SMARCA2: variants seen among roughly 807,000 people sequenced by gnomAD.
SMARCA2 encodes the protein SWI/SNF related BAF chromatin remodeling complex subunit ATPase 2.
In SMARCA2, 61 loss-of-function variants were observed where a neutral mutation model predicts 199.8. That is an observed-to-expected ratio of 0.31 (90% CI 0.25 to 0.38). SMARCA2 has a LOEUF of 0.38. Among genes scored for constraint, SMARCA2 ranks in the 10% least tolerant of loss-of-function variants. SMARCA2 has a pLI of 1.00. For missense variants in SMARCA2, 1,344 were observed against 2,012.2 expected (o/e 0.67, Z 6.35); for synonymous variants, 935 against 732.0 (o/e 1.28, Z -4.48).
At chr9:2,105,276 C>T (rs1822701377) in intron 23 of SMARCA2, among the ~76,000 whole-genome samples, 1 of 151,666 alleles carries the variant, frequency 6.6e-6, no homozygotes, top group South Asian at 2.1e-4. Flanking sequence ...GACAGAGTCT[C>T]ACTCTGTCAC....
intron 9 of SMARCA2, among the ~76,000 whole-genome samples, chr9:2,063,649 AT>A (rs1464501168): frequency 1.3e-5 from 2 of 152,218 alleles, no homozygotes; most frequent in African/African-American, 4.8e-5. Flanking sequence ...ACTCTAAGAA[AT>A]GTGCTATTAA....
At chr9:2,032,753 C>G (rs1586627436) in intron 2 of SMARCA2, 199 bp from the exon 3 acceptor site, 4 of 434,890 alleles carry the variant, frequency 9.2e-6, no homozygotes, top group East Asian at 3.8e-5. Context: ...AAAAAACAAC[C>G]CTCCACTGTT....
At chr9:2,186,903 A>G (rs7038608) in intron 32 of SMARCA2, among the ~76,000 whole-genome samples, 15,277 of 152,214 alleles carry the variant, frequency 0.1, 836 homozygotes, top group East Asian at 0.16. Context: ...AATGCCACCT[A>G]TCTTCTCTTC....
At chr9:2,031,848 C>T (rs1287269239) in intron 2 of SMARCA2, among the ~76,000 whole-genome samples, 1 of 152,142 alleles carries the variant, frequency 6.6e-6, no homozygotes, top group Non-Finnish European at 1.5e-5. Context: ...TATTTCTTCT[C>T]TTATTCTTCC....
intron 25 of SMARCA2, among the ~76,000 whole-genome samples, chr9:2,117,694 G>C (rs1441379521): frequency 6.6e-6 from 1 of 152,204 alleles, no homozygotes; most frequent in Non-Finnish European, 1.5e-5. Flanking sequence ...CTAAGCCGCA[G>C]GGAGTTGCTG....
In SMARCA2 at chr9:2,180,094, G is replaced by T. The variant is rs1261821284; in HGVS notation, c.4254-1477G>T. The stretch of plus-strand genomic sequence containing the variant: ...ACGCATTTCTCGAAGAGATGTGAGG[G>T]GTAGGGGTGGTTGAGAGGGTGAGAG... On this transcript the variant is annotated intron_variant, in intron 29 of 33. Transcript: ENST00000349721. Among the ~76,000 whole-genome samples, 4 of 152,262 alleles carry T rather than the reference G, an allele frequency of 2.6e-5. No homozygotes were observed. The East Asian group carries it at 7.7e-4, about 29-fold the overall frequency.
At chr9:2,047,513 C>A in intron 5 of SMARCA2, 29 bp downstream of exon 5, 1 of 1,359,758 alleles carries the variant, frequency 7.4e-7, no homozygotes, top group Non-Finnish European at 9.6e-7. Context: ...AAGGGGCCCC[C>A]TGCGGTGTGC....
In SMARCA2 at chr9:2,056,617, T is replaced by G; in HGVS notation, c.1174-55T>G. The G allele has an allele frequency of 6.5e-7, 1 of 1,543,680 alleles. No homozygotes were observed. Among genetic ancestry groups the G allele is most frequent in the African/African-American group, 1.4e-5 (1 of 72,436 alleles). ...AAATGCAACCGCGAGAAGGCCAGAG[T>G]TCAGGAACCTAGCTTCTGTTAGGGA... On this transcript the variant is annotated intron_variant, in intron 6 of 33. Transcript: ENST00000349721. The surrounding 1 kb of genome is among the most constrained non-coding windows in gnomAD (Gnocchi z 4.0).
intron 27 of SMARCA2, among the ~76,000 whole-genome samples, chr9:2,151,058 G>C (rs1825041741): frequency 2.0e-5 from 3 of 151,512 alleles, no homozygotes; most frequent in Admixed American, 2.0e-4. Context: ...CTATAGTATA[G>C]CAATTCCGAG....
At chr9:2,041,094 G>A (rs1486287340) in intron 4 of SMARCA2, 1 of 337,402 alleles carries the variant, frequency 3.0e-6, no homozygotes, top group East Asian at 4.3e-5. Context: ...CCTGGGTTTT[G>A]GGCCTTATAC....
At chr9:2,142,022 G>A (rs1240322819) in intron 27 of SMARCA2, among the ~76,000 whole-genome samples, 1 of 152,068 alleles carries the variant, frequency 6.6e-6, no homozygotes, top group Non-Finnish European at 1.5e-5. Flanking sequence ...CCTACAGTAG[G>A]GGCCCCTTAG....
chr9:2,187,482 G>GATAACATAGCAAGACC (rs1484131188), intron 32 of SMARCA2, among the ~76,000 whole-genome samples: 7 of 152,066 alleles, frequency 4.6e-5, no homozygotes, highest in Non-Finnish European at 8.8e-5. Flanking sequence ...GACCAGCCTG[G>GATAACATAGCAAGACC]ATAACATAGC....
chr9:2,187,287 C>T (rs1037588378), intron 32 of SMARCA2, among the ~76,000 whole-genome samples: 1 of 151,876 alleles, frequency 6.6e-6, no homozygotes, highest in Admixed American at 6.6e-5. Context: ...AATTTTACAC[C>T]CAAGGTGCGT....
chr9:2,156,893 T>A (rs1825394315), intron 27 of SMARCA2, among the ~76,000 whole-genome samples: 1 of 152,228 alleles, frequency 6.6e-6, no homozygotes, highest in African/African-American at 2.4e-5. Context: ...CAGCCGCTGG[T>A]AACCACTGTT....
intron 5 of SMARCA2, among the ~76,000 whole-genome samples, chr9:2,051,721 G>A (rs926042186): frequency 6.6e-6 from 1 of 152,226 alleles, no homozygotes; most frequent in Non-Finnish European, 1.5e-5. Flanking sequence ...AACCAAGGAT[G>A]CGGAATAACC....
chr9:2,145,084 G>C lies in SMARCA2; in HGVS notation c.3982-16602G>C, dbSNP rs147975689. On this transcript the variant is annotated intron_variant, in intron 27 of 33. Coordinates refer to ENST00000349721, the MANE Select transcript of SMARCA2 (RefSeq NM_003070.5). ...GGAGGCCTAGGCGGACGGATCACTT[G>C]AGGTCAGGAGTTCGAAACCAGTCTG... is the stretch of plus-strand genomic sequence containing the variant. Among the ~76,000 whole-genome samples the C allele has an allele frequency of 7.9e-3, 1,197 of 152,264 alleles. 10 individuals are homozygous for C. The highest frequency in any genetic ancestry group is 0.028 in the African/African-American group (1,145 of 41,530).
At chr9:2,021,076 T>A (rs1196646612) in intron 1 of SMARCA2, among the ~76,000 whole-genome samples, 1 of 152,192 alleles carries the variant, frequency 6.6e-6, no homozygotes, top group Non-Finnish European at 1.5e-5. Flanking sequence ...AAAACCACAA[T>A]ATTCTATAGT....
At chr9:2,176,182 GTTTTTT>G (rs56186732) in intron 29 of SMARCA2, among the ~76,000 whole-genome samples, 50 of 104,148 alleles carry the variant, frequency 4.8e-4, no homozygotes, top group South Asian at 3.9e-3. Flanking sequence ...CGCCCGGCCT[GTTTTTT>G]TTTTTTTTTT....
chr9:2,045,826 G>GACACACACACACACACACACACAC (rs60571405), intron 4 of SMARCA2: 3 of 145,950 alleles, frequency 2.1e-5, no homozygotes, highest in African/African-American at 7.6e-5. Flanking sequence ...TAACATCACA[G>GACACACACACACACACACACACAC]ACACACACAC....
Sources: allele counts gnomAD v4.1 joint callset (sites outside exome capture counted in the v4.1 genomes callset), GRCh38; gene constraint gnomAD v4.1.1; non-coding constraint Gnocchi (gnomAD v3.1); transcripts MANE v1.5; gene names NCBI Gene and HGNC (gene_info 2026-07-23, HGNC 2026-07-21).